The following TMCO1 variants were observed in gnomAD, a reference collection of about 807,000 sequenced individuals.
TMCO1 encodes the protein transmembrane and coiled-coil domains 1, also known as calcium load-activated calcium channel.
A neutral mutation model predicts 29.3 loss-of-function variants in TMCO1; 29 were observed. That is an observed-to-expected ratio of 0.99 (90% CI 0.74 to 1.35). The LOEUF is 1.35. TMCO1 is among the 40% of genes most tolerant of loss of function. TMCO1 has a pLI of 0.00. For synonymous variants in TMCO1, 80 were observed against 77.1 expected (o/e 1.04, Z -0.20); for missense variants, 173 against 225.5 (o/e 0.77, Z 1.49).
chr1:165,733,037 G>A (rs967627471), intron 6 of TMCO1, among the ~76,000 whole-genome samples: 12 of 152,106 alleles, frequency 7.9e-5, no homozygotes, highest in African/African-American at 2.9e-4. Flanking sequence ...ACTCTGCAAG[G>A]CATTGTTCTA....
chr1:165,744,300 C>A (rs749904440), intron 5 of TMCO1, among the ~76,000 whole-genome samples: 9 of 152,110 alleles, frequency 5.9e-5, no homozygotes, highest in Non-Finnish European at 8.8e-5. Flanking sequence ...CTCACAAGTA[C>A]AGATATAGGG....
chr1:165,751,873 T>C (rs1263800967), intron 5 of TMCO1, among the ~76,000 whole-genome samples: 1 of 151,768 alleles, frequency 6.6e-6, no homozygotes, highest in Non-Finnish European at 1.5e-5. Context: ...AAATAATGTA[T>C]GGATGAGCAC....
chr1:165,732,499 CTCTCTCTATATA>C (rs1023734880), intron 6 of TMCO1, among the ~76,000 whole-genome samples: 7 of 141,236 alleles, frequency 5.0e-5, no homozygotes, highest in Admixed American at 3.4e-4. Context: ...CTCTCTCTCT[CTCTCTCTATATA>C]TATATATATA....
Position 165,768,529 on chromosome 1 carries a change from T to C in TMCO1, c.70+153A>G. ...AATCGACTCCATACTCCCCTCCTGC[T>C]CCTGTTCACGAGTTGCCCAGAGATT... On this transcript the variant is annotated intron_variant, in intron 1 of 6. Coordinates refer to ENST00000367881, the MANE Select transcript of TMCO1 (RefSeq NM_019026.6). 14 of 1,555,354 alleles carry C rather than the reference T, an allele frequency of 9.0e-6. 1 individual carries two copies. Among genetic ancestry groups the C allele is most frequent in the Non-Finnish European group, 1.1e-5 (13 of 1,149,792 alleles).
At chr1:165,739,025 C>T (rs1294547862) in intron 6 of TMCO1, among the ~76,000 whole-genome samples, 1 of 152,166 alleles carries the variant, frequency 6.6e-6, no homozygotes, top group East Asian at 1.9e-4. Flanking sequence ...AATTTGCATA[C>T]ACCTGGACAA....
chr1:165,730,053 G>A (rs1212379887), intron 6 of TMCO1, among the ~76,000 whole-genome samples: 6 of 151,866 alleles, frequency 4.0e-5, no homozygotes, highest in African/African-American at 1.5e-4. Flanking sequence ...CGGGCGCGGT[G>A]GCTCACGCCT....
At chr1:165,747,147 C>T (rs111269965) in intron 5 of TMCO1, among the ~76,000 whole-genome samples, 4 of 151,640 alleles carry the variant, frequency 2.6e-5, no homozygotes, top group Admixed American at 2.0e-4. Flanking sequence ...TGTAATCCCA[C>T]CTACTCGGGA....
At chr1:165,743,050 G>A in intron 6 of TMCO1, 117 bp downstream of exon 6, 1 of 1,254,112 alleles carries the variant, frequency 8.0e-7, no homozygotes, top group Admixed American at 1.9e-5. Context: ...TCTAAAATGA[G>A]CAACTGAAAG....
At chr1:165,729,742 T>G (rs1212859332) in intron 6 of TMCO1, among the ~76,000 whole-genome samples, 2 of 152,196 alleles carry the variant, frequency 1.3e-5, no homozygotes, top group East Asian at 3.9e-4. Flanking sequence ...TATCCAGAAT[T>G]ACAAAGCTAA....
chr1:165,730,197 G>A (rs1193569489), intron 6 of TMCO1, among the ~76,000 whole-genome samples: 2 of 150,742 alleles, frequency 1.3e-5, no homozygotes, highest in Admixed American at 6.6e-5. Flanking sequence ...TTAGCCGGGA[G>A]AGGTGGCGGG....
intron 6 of TMCO1, among the ~76,000 whole-genome samples, chr1:165,729,421 T>C (rs1041645643): frequency 2.0e-5 from 3 of 151,774 alleles, no homozygotes; most frequent in African/African-American, 7.3e-5. Flanking sequence ...GGTCAAGCGA[T>C]TCTGCCTGCC....
At chr1:165,743,455 C>A in intron 5 of TMCO1, 144 bp from the exon 6 acceptor site, 1 of 792,294 alleles carries the variant, frequency 1.3e-6, no homozygotes, top group Non-Finnish European at 2.0e-6. Context: ...TAAAAATACA[C>A]ATGAACCTGA....
At chr1:165,747,505 A>G (rs1651845197) in intron 5 of TMCO1, among the ~76,000 whole-genome samples, 1 of 152,222 alleles carries the variant, frequency 6.6e-6, no homozygotes, top group African/African-American at 2.4e-5. Context: ...AGAAGGGATT[A>G]TTTTAGAGGA....
At chr1:165,729,690 T>C (rs2101785091) in intron 6 of TMCO1, among the ~76,000 whole-genome samples, 1 of 152,302 alleles carries the variant, frequency 6.6e-6, no homozygotes, top group African/African-American at 2.4e-5. Flanking sequence ...CTTCATTTTA[T>C]ATTTGAAGAA....
intron 5 of TMCO1, among the ~76,000 whole-genome samples, chr1:165,750,557 A>G (rs1206980265): frequency 6.6e-6 from 1 of 151,920 alleles, no homozygotes; most frequent in Non-Finnish European, 1.5e-5. Flanking sequence ...AAAAAAGAAA[A>G]AAAAAAAAAA....
At chr1:165,735,568 G>A (rs1471931089) in intron 6 of TMCO1, among the ~76,000 whole-genome samples, 1 of 145,730 alleles carries the variant, frequency 6.9e-6, no homozygotes, top group Non-Finnish European at 1.5e-5. Flanking sequence ...AGGCTGGAAT[G>A]CGGTGGCGCA....
intron 6 of TMCO1, among the ~76,000 whole-genome samples, chr1:165,730,990 C>A (rs980162785): frequency 7.9e-5 from 12 of 152,014 alleles, no homozygotes; most frequent in Non-Finnish European, 1.6e-4. Context: ...ACCTCCGCCT[C>A]CCAGGTTCAA....
At chr1:165,748,044 A>G (rs1161375929) in intron 5 of TMCO1, among the ~76,000 whole-genome samples, 1 of 152,050 alleles carries the variant, frequency 6.6e-6, no homozygotes, top group Non-Finnish European at 1.5e-5. Context: ...CTGTAATCTC[A>G]GCTACTCAGG....
chr1:165,732,316 C>T (rs535668038), intron 6 of TMCO1, among the ~76,000 whole-genome samples: 41 of 145,370 alleles, frequency 2.8e-4, no homozygotes, highest in Middle Eastern at 3.8e-3. Context: ...ACTCAAAGTG[C>T]AGTTTTCCTT....
Sources: gnomAD v4.1 joint callset for allele counts (sites outside exome capture counted in the v4.1 genomes callset) on GRCh38, gnomAD v4.1.1 for gene constraint, MANE v1.5 for transcripts, NCBI Gene and HGNC (gene_info 2026-07-23, HGNC 2026-07-21) for gene names.